Variants in NBEA observed in about 807,000 individuals in gnomAD.
NBEA encodes the protein lysosomal-trafficking regulator 2.
A neutral mutation model predicts 343.4 loss-of-function variants in NBEA; 44 were observed. The ratio of observed to expected loss-of-function variants is 0.13; its 90% CI spans 0.10 to 0.16. The LOEUF (loss-of-function observed/expected upper bound fraction) is 0.16. Among genes scored for constraint, NBEA ranks in the 10% least tolerant of loss-of-function variants. The pLI is 1.00. For synonymous variants in NBEA, 1,175 were observed against 1,238.7 expected (o/e 0.95, Z 1.08); for missense variants, 2,555 against 3,631.3 (o/e 0.70, Z 7.62).
intron 41 of NBEA, among the ~76,000 whole-genome samples, chr13:35,497,218 A>G (rs2076714684): frequency 6.6e-6 from 1 of 152,040 alleles, no homozygotes; most frequent in Admixed American, 6.6e-5. Flanking sequence ...TCTGTAGGAG[A>G]AATTGAGGAA....
intron 58 of NBEA, among the ~76,000 whole-genome samples, chr13:35,668,744 T>A (rs2085470723): frequency 6.6e-6 from 1 of 152,152 alleles, no homozygotes; most frequent in African/African-American, 2.4e-5. Flanking sequence ...GAAGAACAGG[T>A]GCCTGCAGAC....
chr13:35,012,592 A>G (rs1472453170), intron 1 of NBEA, among the ~76,000 whole-genome samples: 1 of 152,206 alleles, frequency 6.6e-6, no homozygotes, highest in Non-Finnish European at 1.5e-5. Flanking sequence ...ATGCCAAATT[A>G]TGGATTTAGT....
chr13:35,631,219 T>C (rs904325337), intron 49 of NBEA, among the ~76,000 whole-genome samples: 9 of 152,190 alleles, frequency 5.9e-5, no homozygotes, highest in African/African-American at 2.2e-4. Context: ...ATATTCATTA[T>C]TTAGTGGTCA....
chr13:35,476,210 C>G, intron 41 of NBEA: 1 of 1,606,852 alleles, frequency 6.2e-7, no homozygotes. Flanking sequence ...GCTGCTAGAG[C>G]TGGAGCCAAC....
At chr13:35,170,342 G>C (rs1420362954) in intron 25 of NBEA, among the ~76,000 whole-genome samples, 1 of 151,626 alleles carries the variant, frequency 6.6e-6, no homozygotes, top group Admixed American at 6.6e-5. Context: ...GATTGGAATG[G>C]CTAGTGTGTC....
intron 1 of NBEA, among the ~76,000 whole-genome samples, chr13:35,007,877 T>G (rs182569645): frequency 2.1e-4 from 32 of 152,328 alleles, no homozygotes; most frequent in Admixed American, 1.9e-3. Flanking sequence ...TGTATCTGCT[T>G]CATTATCTAG....
chr13:35,491,061 A>G (rs973859789), intron 41 of NBEA, among the ~76,000 whole-genome samples: 9 of 151,946 alleles, frequency 5.9e-5, no homozygotes, highest in Admixed American at 2.0e-4. Flanking sequence ...TTTTAAACTT[A>G]TATTACCCAA....
At chr13:34,943,940 G>A (rs1382059311) in intron 1 of NBEA, among the ~76,000 whole-genome samples, 1 of 152,276 alleles carries the variant, frequency 6.6e-6, no homozygotes, top group East Asian at 1.9e-4. Context: ...AATGTTTTGC[G>A]CTATCTACAG....
intron 36 of NBEA, among the ~76,000 whole-genome samples, chr13:35,334,645 G>A (rs184316434): frequency 3.7e-4 from 56 of 152,248 alleles, no homozygotes; most frequent in Non-Finnish European, 2.9e-4. Flanking sequence ...TTTGCCATTC[G>A]TGTGTCTTCT....
intron 38 of NBEA, among the ~76,000 whole-genome samples, chr13:35,361,432 T>A (rs1333669878): frequency 6.6e-6 from 1 of 152,096 alleles, no homozygotes; most frequent in Non-Finnish European, 1.5e-5. Context: ...AAAGGCAATG[T>A]AGTGGAGAAA....
chr13:35,103,441 C>T (rs1305026854), intron 11 of NBEA, among the ~76,000 whole-genome samples: 1 of 150,380 alleles, frequency 6.6e-6, no homozygotes, highest in Non-Finnish European at 1.5e-5. Flanking sequence ...CTTATTCTCT[C>T]TCATTAGTTC....
intron 34 of NBEA, among the ~76,000 whole-genome samples, chr13:35,262,666 A>G (rs1248426459): frequency 6.6e-6 from 1 of 152,184 alleles, no homozygotes; most frequent in African/African-American, 2.4e-5. Flanking sequence ...GGTGGCCAGG[A>G]GTTATGGGTG....
At chr13:35,260,098 C>T (rs970398772) in intron 34 of NBEA, among the ~76,000 whole-genome samples, 27 of 152,134 alleles carry the variant, frequency 1.8e-4, no homozygotes, top group African/African-American at 4.8e-4. Flanking sequence ...ACTTCAAACA[C>T]GTAAGATCAT....
At chr13:35,145,190 G>T (rs1249932233) in intron 18 of NBEA, among the ~76,000 whole-genome samples, 3 of 152,164 alleles carry the variant, frequency 2.0e-5, no homozygotes, top group African/African-American at 7.2e-5. Context: ...GCTTTGGCAC[G>T]GTTAGAGCTT....
At chr13:35,628,378 C>T in intron 49 of NBEA, 130 bp downstream of exon 49, 1 of 690,620 alleles carries the variant, frequency 1.4e-6, no homozygotes, top group Non-Finnish European at 2.2e-6. Flanking sequence ...AGGTTCTTGA[C>T]ATATGTGGAA....
At chr13:35,418,854 A>G (rs566226070) in intron 38 of NBEA, among the ~76,000 whole-genome samples, 129 of 152,176 alleles carry the variant, frequency 8.5e-4, no homozygotes, top group Non-Finnish European at 1.4e-3. Context: ...ATAACAAATT[A>G]CAGGCTAAGT....
chr13:35,467,289 T>C (rs995158492), intron 40 of NBEA, among the ~76,000 whole-genome samples: 1 of 151,998 alleles, frequency 6.6e-6, no homozygotes, highest in African/African-American at 2.4e-5. Context: ...CTGGCCAACA[T>C]GGTGAAACAC....
intron 51 of NBEA, among the ~76,000 whole-genome samples, chr13:35,647,222 T>C (rs73173622): frequency 0.093 from 14,178 of 152,246 alleles, 964 homozygotes; most frequent in East Asian, 0.28. Context: ...GCAATTTCTT[T>C]AGAATTTTTT....
intron 38 of NBEA, among the ~76,000 whole-genome samples, chr13:35,384,955 G>T (rs997418007): frequency 6.6e-6 from 1 of 152,158 alleles, no homozygotes; most frequent in Non-Finnish European, 1.5e-5. Flanking sequence ...ACAGGATTCA[G>T]TCTGAAAATA....
Sources: allele counts gnomAD v4.1 joint callset (sites outside exome capture counted in the v4.1 genomes callset), GRCh38; gene constraint gnomAD v4.1.1; transcripts MANE v1.5; gene names NCBI Gene and HGNC (gene_info 2026-07-23, HGNC 2026-07-21).